Variants in RFC3 observed in about 807,000 individuals in gnomAD.
The protein encoded by RFC3 is replication factor C subunit 3.
A neutral mutation model predicts 45.1 loss-of-function variants in RFC3; 41 were observed. The observed-to-expected ratio is 0.91, with a 90% CI of 0.71 to 1.18. RFC3 has a LOEUF of 1.18. Ranked by LOEUF, RFC3 falls within the 50% of genes most tolerant of loss-of-function variation. RFC3 has a pLI of 0.00. For synonymous variants in RFC3, 149 were observed against 144.0 expected (o/e 1.03, Z -0.25); for missense variants, 423 against 428.1 (o/e 0.99, Z 0.10).
chr13:33,821,312 G>C, intron 2 of RFC3, 43 bp downstream of exon 2: 1 of 1,599,264 alleles, frequency 6.3e-7, no homozygotes, highest in Non-Finnish European at 8.6e-7. Flanking sequence ...TTTATAGCGG[G>C]GACTTTCAGT....
chr13:33,912,121 GGATCTGAAGAATTAAT>G (rs1426443994), intron 8 of RFC3, among the ~76,000 whole-genome samples: 2 of 151,918 alleles, frequency 1.3e-5, no homozygotes, highest in African/African-American at 4.8e-5. Flanking sequence ...ATGAAGAAAG[GGATCTGAAGAATTAAT>G]GATTTGTAAT....
chr13:33,943,014 T>G (rs1246894451), intron 8 of RFC3, among the ~76,000 whole-genome samples: 1 of 152,174 alleles, frequency 6.6e-6, no homozygotes, highest in African/African-American at 2.4e-5. Context: ...CATTGGAGAA[T>G]TTCATAATTT....
At chr13:33,835,803 A>C (rs535468476) in intron 8 of RFC3, among the ~76,000 whole-genome samples, 1 of 152,256 alleles carries the variant, frequency 6.6e-6, no homozygotes, top group South Asian at 2.1e-4. Flanking sequence ...TTGTCTACAA[A>C]TTATTATTGT....
intron 8 of RFC3, among the ~76,000 whole-genome samples, chr13:33,925,986 A>C (rs2082809385): frequency 6.6e-6 from 1 of 152,046 alleles, no homozygotes; most frequent in Non-Finnish European, 1.5e-5. Context: ...AGACTGGATT[A>C]GGAAAATGTG....
At position 33,836,241 on chromosome 13, in the gene RFC3, C is replaced by G; in HGVS notation, c.1017C>G (p.Phe339Leu). 6.2e-7 allele frequency: 1 copy of G among 1,613,452 alleles called. No individual in the cohort carries two copies. The highest frequency in any genetic ancestry group is 8.5e-7 in the Non-Finnish European group (1 of 1,179,518). Residue 339 changes from phenylalanine to leucine, a missense_variant, in exon 9 of 9, where the codon TTC (phenylalanine) becomes TTG (leucine). Coordinates refer to ENST00000380071, the MANE Select transcript of RFC3 (RefSeq NM_002915.4). ...ACTTGGAAGCGTTTGTGGCCAAATT[C>G]ATGGCACTTTATAAGAAGTTCATGG... ...IYHLEAFVAK[F>L]MALYKKFMED...
In RFC3 at chr13:33,824,762, A is replaced by G. The variant is rs3135567; in HGVS notation, c.293+778A>G. ...TAGCAGGCACTTTGTGAGAAGCTTTACCTGTATTATTACATTTAATCCTTA... is the reference window on the plus strand; with the variant it reads ...TAGCAGGCACTTTGTGAGAAGCTTTGCCTGTATTATTACATTTAATCCTTA... On this transcript the variant is annotated intron_variant, in intron 3 of 8. Transcript: ENST00000380071. Among the ~76,000 whole-genome samples the G allele has an allele frequency of 4.9e-3, 749 of 152,242 alleles. 7 individuals carry two copies. Among genetic ancestry groups the G allele is most frequent in the African/African-American group, 0.017 (719 of 41,558 alleles).
chr13:33,886,912 A>G (rs2082528888), intron 8 of RFC3, among the ~76,000 whole-genome samples: 2 of 149,276 alleles, frequency 1.3e-5, no homozygotes, highest in South Asian at 2.1e-4. Flanking sequence ...GCGATAGTTT[A>G]CTGAGAATGA....
chr13:33,833,642 A>G (rs1217210202), intron 7 of RFC3, among the ~76,000 whole-genome samples: 2 of 152,306 alleles, frequency 1.3e-5, no homozygotes, highest in East Asian at 3.9e-4. Flanking sequence ...CTTCAATTGT[A>G]TAGGTAACTA....
intron 8 of RFC3, among the ~76,000 whole-genome samples, chr13:33,843,942 A>G (rs1034170976): frequency 6.6e-6 from 1 of 152,222 alleles, no homozygotes; most frequent in African/African-American, 2.4e-5. Flanking sequence ...CTACATTTAT[A>G]TGCAACCTAT....
At chr13:33,897,177 T>TAA (rs2082605506) in intron 8 of RFC3, among the ~76,000 whole-genome samples, 1 of 151,914 alleles carries the variant, frequency 6.6e-6, no homozygotes, top group Admixed American at 6.6e-5. Flanking sequence ...GACAAATATA[T>TAA]CAAAAACAAT....
Position 33,818,203 on chromosome 13 carries a change from C to T in RFC3, c.25C>T (p.Arg9Trp). MSLWVDKY[R>W]PCSLGRLDYH... ...CATGAGCCTCTGGGTGGACAAGTAT[C>T]GGCCCTGCTCCTTGGGACGGCTGGA... The change falls in exon 1 of 9, where the codon CGG (arginine) becomes TGG (tryptophan). Residue 9 changes from arginine to tryptophan, a missense_variant. Transcript: ENST00000380071. The T allele has an allele frequency of 6.2e-7, 1 of 1,613,612 alleles. No individual in the cohort carries two copies. Among genetic ancestry groups the T allele is most frequent in the East Asian group, 2.2e-5 (1 of 44,862 alleles).
intron 8 of RFC3, among the ~76,000 whole-genome samples, chr13:33,899,509 CTAGA>C (rs538169639): frequency 1.2e-3 from 175 of 151,756 alleles, no homozygotes; most frequent in African/African-American, 4.2e-3. Context: ...CCTCATCAAA[CTAGA>C]TAAAGAAGAA....
the RFC3 span, among the ~76,000 whole-genome samples, chr13:33,976,523 A>T: frequency 6.6e-6 from 1 of 152,030 alleles, no homozygotes; most frequent in South Asian, 2.1e-4. Flanking sequence ...ACTATAGTTA[A>T]CAACATTGTA....
chr13:33,826,345 C>T (rs1279704153), intron 4 of RFC3, among the ~76,000 whole-genome samples: 1 of 152,024 alleles, frequency 6.6e-6, no homozygotes, highest in Non-Finnish European at 1.5e-5. Context: ...GCCAAATTCT[C>T]TATCTGAAAG....
chr13:33,880,665 C>A (rs971085466), intron 8 of RFC3, among the ~76,000 whole-genome samples: 1 of 152,130 alleles, frequency 6.6e-6, no homozygotes, highest in Admixed American at 6.5e-5. Flanking sequence ...CACAGCACAA[C>A]TCTAGAATCG....
At chr13:33,916,871 T>C (rs1274471485) in intron 8 of RFC3, among the ~76,000 whole-genome samples, 1 of 152,170 alleles carries the variant, frequency 6.6e-6, no homozygotes, top group African/African-American at 2.4e-5. Flanking sequence ...ATTTGCCAAA[T>C]GCATTTTTGG....
chr13:33,832,150 A>T (rs1342614121), intron 7 of RFC3, among the ~76,000 whole-genome samples: 2 of 152,216 alleles, frequency 1.3e-5, no homozygotes, highest in African/African-American at 4.8e-5. Context: ...CTCCAAATAA[A>T]AAATGACAAT....
chr13:33,919,441 C>T (rs769630104), intron 8 of RFC3, among the ~76,000 whole-genome samples: 28 of 152,082 alleles, frequency 1.8e-4, no homozygotes, highest in African/African-American at 6.0e-4. Context: ...ATTATGCATA[C>T]GCTCACAAGA....
chr13:33,902,520 G>T (rs7334525), intron 8 of RFC3, among the ~76,000 whole-genome samples: 26,909 of 151,976 alleles, frequency 0.18, 5,142 homozygotes, highest in African/African-American at 0.48. Flanking sequence ...TAATTGTTCC[G>T]TATTTTATTC....
Sources: gnomAD v4.1 joint callset for allele counts (sites outside exome capture counted in the v4.1 genomes callset) on GRCh38, gnomAD v4.1.1 for gene constraint, MANE v1.5 for transcripts, NCBI Gene and HGNC (gene_info 2026-07-23, HGNC 2026-07-21) for gene names.